Variants in PBX4 observed in about 807,000 individuals in gnomAD.
PBX4 encodes pre-B-cell leukemia transcription factor 4.
PBX4 carries 26 observed loss-of-function variants against 35.1 expected under a neutral mutation model. The ratio of observed to expected loss-of-function variants is 0.74; its 90% confidence interval spans 0.54 to 1.03. The LOEUF (loss-of-function observed/expected upper bound fraction) is 1.03. PBX4 is among the 50% of genes least tolerant of loss of function. The pLI is 0.00. For missense variants in PBX4, 448 were observed against 504.3 expected, an observed-to-expected ratio of 0.89 and a Z score of 1.07; for synonymous variants, 199 against 204.2, an observed-to-expected ratio of 0.97 and a Z score of 0.22.
chr19:19,563,649 G>A lies in PBX4; in HGVS notation c.926-34C>T, dbSNP rs368378843. On this transcript the variant is annotated intron_variant, in intron 6 of 7. Transcript: ENST00000251203. The surrounding 1 kb of genome is among the most constrained non-coding windows in gnomAD (Gnocchi z 5.1). ...GATGGGAGCCGGGGTGGGCAGAGTC[G>A]TGGCGCCTCCTCAGGTGGAACCCAC... 19 of 1,524,040 alleles carry A rather than the reference G, an allele frequency of 1.2e-5. No individual in the cohort carries two copies. Among genetic ancestry groups the A allele is most frequent in the African/African-American group, 5.5e-5 (4 of 72,306 alleles). 94.4% of individuals were successfully genotyped at this position (1,524,040 alleles called of 1,614,324 possible).
chr19:19,602,050 G>C (rs2061601000), intron 1 of PBX4, among the ~76,000 whole-genome samples: 1 of 152,018 alleles, frequency 6.6e-6, no homozygotes, highest in Non-Finnish European at 1.5e-5. Context: ...ATGTTGCCCA[G>C]GCTGCGCTCA....
intron 2 of PBX4, among the ~76,000 whole-genome samples, chr19:19,586,427 A>C (rs2061489467): frequency 6.6e-6 from 1 of 152,038 alleles, no homozygotes; most frequent in Non-Finnish European, 1.5e-5. Context: ...TCAAAAAATA[A>C]ACAAACAATT....
At chr19:19,602,917 A>G (rs1197280172) in intron 1 of PBX4, among the ~76,000 whole-genome samples, 1 of 152,160 alleles carries the variant, frequency 6.6e-6, no homozygotes, top group Non-Finnish European at 1.5e-5. Flanking sequence ...CACAAAGCCA[A>G]TAATTTCCCA....
chr19:19,561,866 C>T lies in PBX4; in HGVS notation c.*159G>A, dbSNP rs1313350716. 4 of 560,428 alleles carry T rather than the reference C, an allele frequency of 7.1e-6. No homozygotes were observed. The highest frequency in any genetic ancestry group is 3.8e-5 in the African/African-American group (2 of 52,040). The allele number at this position is 560,428 out of a possible 1,614,324, so 34.7% of individuals were successfully genotyped here. On this transcript the variant is annotated 3_prime_UTR_variant, in exon 8 of 8. Coordinates refer to ENST00000251203, the MANE Select transcript of PBX4 (RefSeq NM_025245.3). ...AGGCCATCTCGAGTCGCAGCAGACA[C>T]ATGAGCCGGCGCCACGGGCCTGGCT...
At chr19:19,612,789 A>G (rs1170232266) in intron 1 of PBX4, among the ~76,000 whole-genome samples, 1 of 151,458 alleles carries the variant, frequency 6.6e-6, no homozygotes, top group Non-Finnish European at 1.5e-5. Flanking sequence ...GCTACCTAAC[A>G]CCTGTGTTAT....
chr19:19,604,985 T>C (rs739461), intron 1 of PBX4, among the ~76,000 whole-genome samples: 114,943 of 151,894 alleles, frequency 0.76, 43,576 homozygotes, highest in South Asian at 0.8. Flanking sequence ...TCCATAGAAG[T>C]GGTATTAACA....
chr19:19,615,451 GGAAA>G (rs2061684266), intron 1 of PBX4, among the ~76,000 whole-genome samples: 1 of 151,998 alleles, frequency 6.6e-6, no homozygotes, highest in Non-Finnish European at 1.5e-5. Flanking sequence ...GAGAAGCAAA[GGAAA>G]GAAAGTTTGA....
intron 2 of PBX4, among the ~76,000 whole-genome samples, chr19:19,580,665 C>T (rs749839376): frequency 2.0e-5 from 3 of 152,210 alleles, no homozygotes; most frequent in Non-Finnish European, 2.9e-5. Context: ...AGAGTGTTTC[C>T]TCCCTAAACA....
intron 2 of PBX4, among the ~76,000 whole-genome samples, chr19:19,584,555 C>A (rs1300208664): frequency 6.6e-6 from 1 of 151,364 alleles, no homozygotes; most frequent in Admixed American, 6.6e-5. Context: ...ATGTAATGGA[C>A]AACTTCCCCT....
intron 1 of PBX4, among the ~76,000 whole-genome samples, chr19:19,616,580 G>C (rs759443265): frequency 3.3e-5 from 5 of 152,090 alleles, no homozygotes; most frequent in Admixed American, 6.6e-5. Context: ...GCCTCCCAAA[G>C]TGCAGGGATT....
chr19:19,604,761 C>T (rs1352040934), intron 1 of PBX4, among the ~76,000 whole-genome samples: 1 of 151,816 alleles, frequency 6.6e-6, no homozygotes, highest in Non-Finnish European at 1.5e-5. Flanking sequence ...CCACCACACT[C>T]AGCTAATTTT....
At chr19:19,573,815 T>C (rs906764551) in intron 2 of PBX4, among the ~76,000 whole-genome samples, 17 of 152,264 alleles carry the variant, frequency 1.1e-4, no homozygotes, top group African/African-American at 4.1e-4. Context: ...CTGCAACCTC[T>C]GCCTCCTGGG....
intron 2 of PBX4, among the ~76,000 whole-genome samples, chr19:19,575,278 T>A (rs1226759775): frequency 2.5e-5 from 3 of 122,322 alleles, no homozygotes; most frequent in Non-Finnish European, 5.2e-5. Context: ...TTTTAGTTCC[T>A]CCCACTGCCA....
At chr19:19,582,653 G>A (rs2144736999) in intron 2 of PBX4, among the ~76,000 whole-genome samples, 1 of 152,250 alleles carries the variant, frequency 6.6e-6, no homozygotes, top group Admixed American at 6.5e-5. Context: ...GTACACTAAG[G>A]CAAGAACCCC....
At chr19:19,597,370 C>T (rs530854430) in intron 2 of PBX4, among the ~76,000 whole-genome samples, 1 of 152,210 alleles carries the variant, frequency 6.6e-6, no homozygotes, top group South Asian at 2.1e-4. Context: ...CACAGCCTTA[C>T]ATATATGAAT....
intron 2 of PBX4, among the ~76,000 whole-genome samples, chr19:19,595,431 G>A (rs1370100217): frequency 6.6e-6 from 1 of 152,178 alleles, no homozygotes; most frequent in East Asian, 1.9e-4. Context: ...CCATCAGGGA[G>A]TGCTGCCAGG....
At chr19:19,578,825 T>A (rs997831274) in intron 2 of PBX4, among the ~76,000 whole-genome samples, 13 of 152,054 alleles carry the variant, frequency 8.5e-5, no homozygotes, top group Non-Finnish European at 1.8e-4. Context: ...TAGGAGGCAG[T>A]TAAGGTTAAA....
At chr19:19,606,088 T>C (rs1019148177) in intron 1 of PBX4, among the ~76,000 whole-genome samples, 1 of 152,218 alleles carries the variant, frequency 6.6e-6, no homozygotes, top group African/African-American at 2.4e-5. Flanking sequence ...AATCACTTAC[T>C]TGGCAGACAC....
intron 1 of PBX4, among the ~76,000 whole-genome samples, chr19:19,601,067 T>C (rs1312164845): frequency 6.6e-6 from 1 of 151,534 alleles, no homozygotes. Context: ...AGGGAGGGAG[T>C]GAGACACCAA....
Sources: gnomAD v4.1 joint callset for allele counts (sites outside exome capture counted in the v4.1 genomes callset) on GRCh38, gnomAD v4.1.1 for gene constraint, Gnocchi (gnomAD v3.1) non-coding constraint, MANE v1.5 for transcripts, NCBI Gene and HGNC (gene_info 2026-07-23, HGNC 2026-07-21) for gene names.